Variants in C1QTNF3 observed in about 807,000 individuals in gnomAD.
The protein encoded by C1QTNF3 is C1q and TNF related 3.
In C1QTNF3, 26 loss-of-function variants were observed where a neutral mutation model predicts 32.6. The ratio of observed to expected loss-of-function variants is 0.80; its 90% CI spans 0.58 to 1.11. The LOEUF is 1.11. Ranked by LOEUF, C1QTNF3 falls within the 50% of genes least tolerant of loss-of-function variation. The probability of loss-of-function intolerance (pLI) is 0.00; values close to 1 mark genes in which losing one functional copy is unlikely to be tolerated. For missense variants in C1QTNF3, 362 were observed against 398.2 expected (o/e 0.91, Z 0.77); for synonymous variants, 155 against 146.0 (o/e 1.06, Z -0.44).
the C1QTNF3 span, among the ~76,000 whole-genome samples, chr5:34,212,705 A>C: frequency 6.6e-6 from 1 of 150,562 alleles, no homozygotes; most frequent in Non-Finnish European, 1.5e-5. Context: ...CCACAATGAG[A>C]TACCATCTCA....
At chr5:34,195,310 G>A in the C1QTNF3 span, among the ~76,000 whole-genome samples, 618 of 144,022 alleles carry the variant, frequency 4.3e-3, no homozygotes, top group Middle Eastern at 0.025. Context: ...CATCTGGTAG[G>A]AATATATATA....
At chr5:34,057,660 C>A in the C1QTNF3 span, among the ~76,000 whole-genome samples, 1 of 152,160 alleles carries the variant, frequency 6.6e-6, no homozygotes, top group Non-Finnish European at 1.5e-5. Flanking sequence ...AGCAAAAACC[C>A]TTTACTACAG....
the C1QTNF3 span, among the ~76,000 whole-genome samples, chr5:34,090,943 G>A: frequency 1.3e-5 from 2 of 152,140 alleles, no homozygotes; most frequent in Admixed American, 6.5e-5. Context: ...ACTAAGACAA[G>A]CTCCATTTCC....
At chr5:34,074,990 G>C in the C1QTNF3 span, among the ~76,000 whole-genome samples, 1 of 151,698 alleles carries the variant, frequency 6.6e-6, no homozygotes, top group East Asian at 2.0e-4. Flanking sequence ...GTAATTGTTT[G>C]TCTGCATTCA....
chr5:34,213,597 T>A, the C1QTNF3 span, among the ~76,000 whole-genome samples: 8 of 149,618 alleles, frequency 5.3e-5, no homozygotes, highest in East Asian at 5.9e-4. Flanking sequence ...GCAAGATGCA[T>A]TAGAATTAAT....
the C1QTNF3 span, among the ~76,000 whole-genome samples, chr5:34,177,304 T>C: frequency 7.9e-5 from 12 of 152,138 alleles, no homozygotes; most frequent in African/African-American, 2.4e-4. Context: ...ACATGGGGCA[T>C]TTCCATCATT....
At chr5:34,139,835 G>A in the C1QTNF3 span, among the ~76,000 whole-genome samples, 2 of 152,176 alleles carry the variant, frequency 1.3e-5, no homozygotes, top group Non-Finnish European at 2.9e-5. Context: ...ATTAATAAAT[G>A]AAAAGAATAT....
the C1QTNF3 span, among the ~76,000 whole-genome samples, chr5:34,219,221 T>C: frequency 6.6e-6 from 1 of 152,040 alleles, no homozygotes; most frequent in African/African-American, 2.4e-5. Context: ...CCACTGAAAG[T>C]AGTAATTACA....
At chr5:34,163,910 G>T in the C1QTNF3 span, among the ~76,000 whole-genome samples, 1 of 152,006 alleles carries the variant, frequency 6.6e-6, no homozygotes, top group Non-Finnish European at 1.5e-5. Context: ...GGTTTGTGTT[G>T]ATATGTTAAA....
the C1QTNF3 span, among the ~76,000 whole-genome samples, chr5:34,073,337 A>G: frequency 6.6e-6 from 1 of 152,328 alleles, no homozygotes; most frequent in South Asian, 2.1e-4. Context: ...AAAAAAAAAA[A>G]AAAAAGTAAT....
the C1QTNF3 span, among the ~76,000 whole-genome samples, chr5:34,222,585 T>A: frequency 6.6e-6 from 1 of 152,044 alleles, no homozygotes; most frequent in African/African-American, 2.4e-5. Context: ...TGCAATTTCA[T>A]AAAATGAAGT....
the C1QTNF3 span, among the ~76,000 whole-genome samples, chr5:34,201,418 G>A: frequency 1.2e-4 from 18 of 152,084 alleles, no homozygotes; most frequent in South Asian, 6.2e-4. Flanking sequence ...TTTCCAAAAC[G>A]CTCTACTTTA....
At chr5:34,213,216 T>C in the C1QTNF3 span, among the ~76,000 whole-genome samples, 2 of 152,088 alleles carry the variant, frequency 1.3e-5, no homozygotes, top group African/African-American at 4.8e-5. Flanking sequence ...CAATGGCTCA[T>C]TAAGATTATT....
chr5:34,244,035 G>A, the C1QTNF3 span, among the ~76,000 whole-genome samples: 1 of 152,144 alleles, frequency 6.6e-6, no homozygotes, highest in East Asian at 1.9e-4. Flanking sequence ...GGCATTGGGG[G>A]ATGCACAATG....
At chr5:34,032,868 A>G (rs1754648726) in intron 3 of C1QTNF3, among the ~76,000 whole-genome samples, 1 of 152,188 alleles carries the variant, frequency 6.6e-6, no homozygotes, top group Non-Finnish European at 1.5e-5. Flanking sequence ...TTATGTATGG[A>G]TTAGTATATG....
chr5:34,049,724 G>A, the C1QTNF3 span, among the ~76,000 whole-genome samples: 3 of 152,170 alleles, frequency 2.0e-5, no homozygotes, highest in Non-Finnish European at 4.4e-5. Context: ...AACTCACAGG[G>A]CAGGCCAGTA....
the C1QTNF3 span, among the ~76,000 whole-genome samples, chr5:34,223,924 CCTT>C: frequency 8.3e-3 from 1,264 of 152,190 alleles, 8 homozygotes; most frequent in Non-Finnish European, 0.014. Context: ...CCCAAAATCT[CCTT>C]AAGCTGATGA....
chr5:34,040,815 C>T (rs1754853244), intron 1 of C1QTNF3, among the ~76,000 whole-genome samples: 1 of 146,628 alleles, frequency 6.8e-6, no homozygotes, highest in Non-Finnish European at 1.5e-5. Flanking sequence ...TGTTGCAGCA[C>T]TTTTTTTTTT....
the C1QTNF3 span, chr5:34,168,135 A>G: frequency 3.9e-5 from 6 of 152,174 alleles, no homozygotes; most frequent in African/African-American, 1.4e-4. Flanking sequence ...AATTCTGTAA[A>G]CAGTATTAAT....
Sources: allele counts gnomAD v4.1 joint callset (sites outside exome capture counted in the v4.1 genomes callset), GRCh38; gene constraint gnomAD v4.1.1; transcripts MANE v1.5; gene names NCBI Gene and HGNC (gene_info 2026-07-23, HGNC 2026-07-21).